Variants in SMPD3 observed in about 807,000 individuals in gnomAD.
The protein encoded by SMPD3 is nSMase-2.
In SMPD3, 21 loss-of-function variants were observed where a neutral mutation model predicts 55.7. The ratio of observed to expected loss-of-function variants is 0.38; its 90% CI spans 0.27 to 0.54. The LOEUF is 0.54. Among genes scored for constraint, SMPD3 ranks in the 20% least tolerant of loss-of-function variants. SMPD3 has a pLI of 0.80. For missense variants in SMPD3, 842 were observed against 899.6 expected (o/e 0.94, Z 0.82); for synonymous variants, 457 against 404.3 (o/e 1.13, Z -1.56).
chr16:68,361,295 A>T lies in SMPD3; in HGVS notation c.1879T>A (p.Phe627Ile). The T allele has an allele frequency of 6.2e-7, 1 of 1,611,648 alleles. No homozygotes were observed. The highest frequency in any genetic ancestry group is 8.5e-7 in the Non-Finnish European group (1 of 1,179,072). Residue 627 changes from phenylalanine to isoleucine, a missense_variant, in exon 9 of 9, where the codon TTC becomes ATC. Coordinates refer to ENST00000219334, the MANE Select transcript of SMPD3 (RefSeq NM_018667.4). ...CCGGACAGCTGGGTGATAAAACTGAATTCTTCCACCTCCTGGGGTGAGTGG... is the reference window on the plus strand; with the variant it reads ...CCGGACAGCTGGGTGATAAAACTGATTTCTTCCACCTCCTGGGGTGAGTGG... ...CPDWKAEVEEFSFITQLSGLT... is the reference protein window; with the variant it reads ...CPDWKAEVEEISFITQLSGLT...
chr16:68,373,649 C>T (rs908462387), intron 2 of SMPD3, among the ~76,000 whole-genome samples: 2 of 152,202 alleles, frequency 1.3e-5, no homozygotes, highest in African/African-American at 2.4e-5. Context: ...CAGTCCCTGC[C>T]ACTCCTGCTG....
Position 68,360,444 on chromosome 16 carries a change from G to GC in SMPD3, c.*761dup. 6.6e-6 allele frequency: 1 copy of GC among 152,568 alleles called. No homozygotes were observed. The highest frequency in any genetic ancestry group is 2.1e-4 in the South Asian group (1 of 4,826). The allele number at this position is 152,568 out of a possible 1,614,324, so 9.5% of individuals were successfully genotyped here. On this transcript the variant is annotated 3_prime_UTR_variant, in exon 9 of 9. Coordinates refer to ENST00000219334, the MANE Select transcript of SMPD3 (RefSeq NM_018667.4). Reference sequence around the variant, plus strand: ...GAGGAGGCCCAGGGTGCCAGAGCCTGCCAGACTCTGTTGTGCCTGAGCTGG... The same window carrying GC: ...GAGGAGGCCCAGGGTGCCAGAGCCTGCCCAGACTCTGTTGTGCCTGAGCTGG...
At chr16:68,417,101 G>T (rs951748081) in intron 1 of SMPD3, among the ~76,000 whole-genome samples, 30 of 152,114 alleles carry the variant, frequency 2.0e-4, no homozygotes, top group African/African-American at 7.0e-4. Flanking sequence ...GAGGCAAACT[G>T]CCTCACTCAA....
intron 1 of SMPD3, among the ~76,000 whole-genome samples, chr16:68,439,893 C>T (rs1204043691): frequency 6.6e-6 from 1 of 152,160 alleles, no homozygotes; most frequent in African/African-American, 2.4e-5. Context: ...AGCAAAGCTA[C>T]TTGTAAAGTG....
In SMPD3 at chr16:68,386,582, G is replaced by C. The variant is rs901002927; in HGVS notation, c.-207+16C>G. On this transcript the variant is annotated intron_variant, in intron 2 of 8. Transcript: ENST00000219334. Reference sequence around the variant, plus strand: ...CCCCCACCCCACCCCTCTGGTTCCAGAAGCCTTGGTTTTACCTGAGGAGGG... The same window carrying C: ...CCCCCACCCCACCCCTCTGGTTCCACAAGCCTTGGTTTTACCTGAGGAGGG... 1 of 129,396 alleles carries C rather than the reference G, an allele frequency of 7.7e-6. No individual in the cohort carries two copies. Among genetic ancestry groups the C allele is most frequent in the Non-Finnish European group, 1.6e-5 (1 of 63,126 alleles). The allele number at this position is 129,396 out of a possible 1,614,324, so 8.0% of individuals were successfully genotyped here. A position where few individuals can be genotyped will look rare whatever the true frequency, so the allele number is the denominator to read the frequency against.
In SMPD3 at chr16:68,372,394, A is replaced by T; in HGVS notation, c.-206-7T>A. 1.6e-6 allele frequency: 1 copy of T among 619,340 alleles called. No homozygotes were observed. The highest frequency in any genetic ancestry group is 2.8e-6 in the Non-Finnish European group (1 of 354,946). 38.4% of individuals were successfully genotyped at this position (619,340 alleles called of 1,614,324 possible). A position where few individuals can be genotyped will look rare whatever the true frequency, so the allele number is the denominator to read the frequency against. On this transcript the variant is annotated splice_polypyrimidine_tract_variant and splice_region_variant and intron_variant, in intron 2 of 8. Coordinates refer to ENST00000219334, the MANE Select transcript of SMPD3 (RefSeq NM_018667.4). ...CGGAGGCCTACTGCAGACCCTGCAG[A>T]GACAAAAGTAGGGGGACTGTTTTTA...
At chr16:68,384,669 C>G (rs968742101) in intron 2 of SMPD3, among the ~76,000 whole-genome samples, 5 of 152,120 alleles carry the variant, frequency 3.3e-5, no homozygotes, top group Admixed American at 3.3e-4. Context: ...CCCCACCATC[C>G]CAACTTCCAG....
At chr16:68,397,821 G>A (rs2090172598) in intron 1 of SMPD3, among the ~76,000 whole-genome samples, 1 of 152,198 alleles carries the variant, frequency 6.6e-6, no homozygotes, top group African/African-American at 2.4e-5. Flanking sequence ...TGGTGGCAGT[G>A]CTTCGTCTTA....
intron 2 of SMPD3, among the ~76,000 whole-genome samples, chr16:68,379,450 C>T (rs921009511): frequency 1.4e-4 from 22 of 152,186 alleles, no homozygotes; most frequent in African/African-American, 3.6e-4. Context: ...ATCTCTAGGA[C>T]GCTTATTTTT....
chr16:68,407,172 A>G (rs748189784), intron 1 of SMPD3, among the ~76,000 whole-genome samples: 5 of 152,188 alleles, frequency 3.3e-5, no homozygotes, highest in African/African-American at 4.8e-5. Context: ...CTTAACCATA[A>G]GTGTAGCTTG....
intron 1 of SMPD3, among the ~76,000 whole-genome samples, chr16:68,433,394 T>C (rs1017882943): frequency 2.0e-5 from 3 of 152,192 alleles, no homozygotes; most frequent in African/African-American, 7.2e-5. Context: ...TCCCCACATA[T>C]ATGGAGTGAT....
At chr16:68,396,981 C>T (rs1331819782) in intron 1 of SMPD3, among the ~76,000 whole-genome samples, 1 of 152,176 alleles carries the variant, frequency 6.6e-6, no homozygotes, top group Non-Finnish European at 1.5e-5. Flanking sequence ...AGAGCATTCC[C>T]TGCACAACGT....
At chr16:68,406,263 C>T (rs916422833) in intron 1 of SMPD3, among the ~76,000 whole-genome samples, 5 of 152,234 alleles carry the variant, frequency 3.3e-5, no homozygotes, top group Non-Finnish European at 4.4e-5. Context: ...ATAATATACA[C>T]GTCAACCTTC....
At chr16:68,374,966 T>TAAAGGTCCAGGCCAGA (rs1356170824) in intron 2 of SMPD3, among the ~76,000 whole-genome samples, 1 of 152,194 alleles carries the variant, frequency 6.6e-6, no homozygotes, top group Non-Finnish European at 1.5e-5. Flanking sequence ...GGCCTCAGGT[T>TAAAGGTCCAGGCCAGA]AAAGGTCCAG....
intron 1 of SMPD3, among the ~76,000 whole-genome samples, chr16:68,434,850 G>A (rs2090509028): frequency 6.6e-6 from 1 of 152,128 alleles, no homozygotes; most frequent in African/African-American, 2.4e-5. Flanking sequence ...CATCTCCTTT[G>A]GTGGAGGCGA....
intron 7 of SMPD3, among the ~76,000 whole-genome samples, chr16:68,361,996 G>A (rs982435082): frequency 3.3e-5 from 5 of 152,190 alleles, no homozygotes; most frequent in South Asian, 4.1e-4. Context: ...TGTTCTGTCC[G>A]CCCCAGCCTG....
At chr16:68,393,538 G>A in intron 1 of SMPD3, among the ~76,000 whole-genome samples, 1 of 152,218 alleles carries the variant, frequency 6.6e-6, no homozygotes, top group East Asian at 1.9e-4. Context: ...AGAGTTTGTG[G>A]TGTTGGGGGA....
chr16:68,361,779 G>C lies in SMPD3; in HGVS notation c.1710-20C>G, dbSNP rs368768529. The C allele has an allele frequency of 1.9e-5, 30 of 1,609,062 alleles. No homozygotes were observed. The highest frequency in any genetic ancestry group is 2.5e-5 in the Non-Finnish European group (30 of 1,179,314). ...AGGACCCTGTCCACACATGCAGGAGGCAGGTGGGCCCCCATGCCCGCCCCT... is the reference window on the plus strand; with the variant it reads ...AGGACCCTGTCCACACATGCAGGAGCCAGGTGGGCCCCCATGCCCGCCCCT... On this transcript the variant is annotated intron_variant, in intron 7 of 8. Transcript: ENST00000219334.
chr16:68,416,478 C>T (rs1013909901), intron 1 of SMPD3, among the ~76,000 whole-genome samples: 12 of 152,320 alleles, frequency 7.9e-5, no homozygotes, highest in Admixed American at 3.3e-4. Context: ...AGAATGTTAC[C>T]GGCAAACCTT....
Sources: allele counts gnomAD v4.1 joint callset (sites outside exome capture counted in the v4.1 genomes callset), GRCh38; gene constraint gnomAD v4.1.1; transcripts MANE v1.5; gene names NCBI Gene and HGNC (gene_info 2026-07-23, HGNC 2026-07-21).